Variants in ASTN2 observed in about 807,000 individuals in gnomAD.
The protein encoded by ASTN2 is astrotactin 2.
In ASTN2, 54 loss-of-function variants were observed where a neutral mutation model predicts 139.8. That is an observed-to-expected ratio of 0.39 (90% CI 0.31 to 0.48). ASTN2 has a LOEUF of 0.48. Ranked by LOEUF, ASTN2 falls within the 20% of genes least tolerant of loss-of-function variation. The pLI is 0.95. For synonymous variants in ASTN2, 756 were observed against 719.5 expected (o/e 1.05, Z -0.81); for missense variants, 1,565 against 1,725.1 (o/e 0.91, Z 1.64).
intron 16 of ASTN2, among the ~76,000 whole-genome samples, chr9:116,713,434 G>T (rs561455673): frequency 6.6e-6 from 1 of 152,114 alleles, no homozygotes; most frequent in African/African-American, 2.4e-5. Flanking sequence ...TCTAAGGCCC[G>T]TCTCAGAGCT....
intron 10 of ASTN2, among the ~76,000 whole-genome samples, chr9:116,933,966 C>T (rs117009074): frequency 0.044 from 3,357 of 76,790 alleles, 62 homozygotes; most frequent in Middle Eastern, 0.091. Flanking sequence ...CTCAGTTGTG[C>T]GAAGTGTTAG....
intron 20 of ASTN2, among the ~76,000 whole-genome samples, chr9:116,444,170 G>A (rs544542530): frequency 6.6e-6 from 1 of 152,164 alleles, no homozygotes; most frequent in Admixed American, 6.5e-5. Flanking sequence ...GTAATTACTA[G>A]GACTGGCAAT....
chr9:116,832,668 C>T (rs891101415), intron 11 of ASTN2, among the ~76,000 whole-genome samples: 13 of 151,866 alleles, frequency 8.6e-5, no homozygotes, highest in Non-Finnish European at 1.9e-4. Flanking sequence ...GATAGATTTT[C>T]AAATAGGGAA....
At chr9:116,707,117 A>G (rs1828009483) in intron 16 of ASTN2, among the ~76,000 whole-genome samples, 1 of 151,668 alleles carries the variant, frequency 6.6e-6, no homozygotes, top group Non-Finnish European at 1.5e-5. Context: ...TACTCAAAAG[A>G]AACAGTCATA....
chr9:116,651,429 A>G (rs1418414625), intron 17 of ASTN2, 99 bp downstream of exon 17: 2 of 1,329,108 alleles, frequency 1.5e-6, no homozygotes, highest in Admixed American at 4.2e-5. Flanking sequence ...TGATATGATG[A>G]TGATCATGAT....
At chr9:117,039,502 T>G (rs976586038) in intron 6 of ASTN2, among the ~76,000 whole-genome samples, 1 of 151,904 alleles carries the variant, frequency 6.6e-6, no homozygotes, top group Admixed American at 6.6e-5. Context: ...AGCTAGATGA[T>G]GGGTTGATAG....
intron 2 of ASTN2, among the ~76,000 whole-genome samples, chr9:117,285,329 T>C (rs1041285829): frequency 6.6e-6 from 1 of 151,822 alleles, no homozygotes; most frequent in Non-Finnish European, 1.5e-5. Context: ...AGATAGGCTT[T>C]TCATTGCTAG....
At chr9:116,681,605 C>T (rs561625867) in intron 16 of ASTN2, among the ~76,000 whole-genome samples, 1,698 of 151,896 alleles carry the variant, frequency 0.011, 29 homozygotes, top group African/African-American at 0.039. Context: ...GGAAGCATCA[C>T]GCTACCTGAC....
At chr9:116,878,629 G>A (rs970777280) in intron 10 of ASTN2, among the ~76,000 whole-genome samples, 1 of 151,956 alleles carries the variant, frequency 6.6e-6, no homozygotes, top group Non-Finnish European at 1.5e-5. Context: ...GTTGATAGGT[G>A]CAGCAAAACA....
chr9:116,440,816 C>T, intron 21 of ASTN2, 24 bp from the exon 22 acceptor site: 2 of 1,603,514 alleles, frequency 1.2e-6, no homozygotes, highest in East Asian at 2.2e-5. Flanking sequence ...AGGGCAGAAA[C>T]AGATCACTGG....
At chr9:117,074,749 T>C (rs192188769) in intron 5 of ASTN2, among the ~76,000 whole-genome samples, 10 of 152,336 alleles carry the variant, frequency 6.6e-5, no homozygotes, top group Admixed American at 6.5e-4. Context: ...ATCCTAACTA[T>C]CTACGTATCT....
At chr9:116,451,368 C>T (rs114780702) in intron 20 of ASTN2, among the ~76,000 whole-genome samples, 207 of 152,200 alleles carry the variant, frequency 1.4e-3, no homozygotes, top group African/African-American at 4.2e-3. Context: ...GTAATTATCA[C>T]AGCAGTTCCA....
intron 2 of ASTN2, among the ~76,000 whole-genome samples, chr9:117,290,683 C>G (rs1053683211): frequency 3.3e-5 from 5 of 152,216 alleles, no homozygotes; most frequent in African/African-American, 1.2e-4. Flanking sequence ...GGACATAGTT[C>G]AGGCTTAGTA....
chr9:117,411,475 T>G (rs1831160200), intron 1 of ASTN2, among the ~76,000 whole-genome samples: 1 of 143,938 alleles, frequency 6.9e-6, no homozygotes. Context: ...AAAAAAGACT[T>G]GCTTCCAGTC....
intron 19 of ASTN2, among the ~76,000 whole-genome samples, chr9:116,610,377 G>A (rs1486829326): frequency 1.3e-5 from 2 of 152,178 alleles, no homozygotes; most frequent in Non-Finnish European, 2.9e-5. Context: ...GGCTGAGGCG[G>A]GTGGATCACC....
chr9:117,388,542 C>T (rs975071758), intron 1 of ASTN2, among the ~76,000 whole-genome samples: 10 of 152,172 alleles, frequency 6.6e-5, no homozygotes, highest in Admixed American at 6.5e-4. Flanking sequence ...CTTCCATGAG[C>T]CATCCCAAAT....
intron 11 of ASTN2, among the ~76,000 whole-genome samples, chr9:116,857,823 C>G (rs1205010560): frequency 6.6e-6 from 1 of 152,166 alleles, no homozygotes; most frequent in Admixed American, 6.5e-5. Flanking sequence ...GCTCTTTCCC[C>G]CTTGAATCTG....
At chr9:116,638,065 G>C (rs1397604557) in intron 17 of ASTN2, among the ~76,000 whole-genome samples, 1 of 152,144 alleles carries the variant, frequency 6.6e-6, no homozygotes, top group African/African-American at 2.4e-5. Context: ...TAGGAGAAAA[G>C]AATCAAGTAA....
At chr9:117,265,282 T>C (rs1255044747) in intron 2 of ASTN2, among the ~76,000 whole-genome samples, 1 of 152,106 alleles carries the variant, frequency 6.6e-6, no homozygotes, top group Admixed American at 6.6e-5. Flanking sequence ...AGAAGGTGCA[T>C]TGTGCTGGGG....
Sources: allele counts gnomAD v4.1 joint callset (sites outside exome capture counted in the v4.1 genomes callset), GRCh38; gene constraint gnomAD v4.1.1; transcripts MANE v1.5; gene names NCBI Gene and HGNC (gene_info 2026-07-23, HGNC 2026-07-21).